The following ZSCAN2 variants were observed in gnomAD, a reference collection of about 807,000 sequenced individuals.
ZSCAN2 encodes the protein zinc finger and SCAN domain containing 2.
ZSCAN2 carries 26 observed loss-of-function variants against 47.8 expected under a neutral mutation model. That is an observed-to-expected ratio of 0.54 (90% CI 0.40 to 0.75). The LOEUF (loss-of-function observed/expected upper bound fraction) is 0.75. Ranked by LOEUF, ZSCAN2 falls within the 30% of genes least tolerant of loss-of-function variation. The pLI is 0.00. For synonymous variants in ZSCAN2, 305 were observed against 288.7 expected (o/e 1.06, Z -0.57); for missense variants, 732 against 785.4 (o/e 0.93, Z 0.81).
In ZSCAN2 at chr15:84,602,553, GCA is replaced by G. The variant is rs370190198; in HGVS notation, c.-108-1264_-108-1263del. Among the ~76,000 whole-genome samples the G allele has an allele frequency of 1.7e-4, 26 of 150,246 alleles. No homozygotes were observed. The East Asian group carries it at 4.7e-3, about 27-fold the overall frequency. The stretch of plus-strand genomic sequence containing the variant: ...CCACCTAAAGGTAGCCATTATTATA[GCA>G]CAGTTTCTTTTCTTTTTTTTCCTTT... On this transcript the variant is annotated intron_variant, in intron 1 of 2. Transcript: ENST00000546148.
intron 2 of ZSCAN2, among the ~76,000 whole-genome samples, chr15:84,617,808 T>C (rs1895729266): frequency 6.6e-6 from 1 of 151,986 alleles, no homozygotes; most frequent in South Asian, 2.1e-4. Context: ...TGTGGTGGCA[T>C]ACACCTGTGT....
chr15:84,621,332 A>G lies in ZSCAN2; in HGVS notation c.1137A>G (p.Arg379=), dbSNP rs751588983. 2 of 1,613,832 alleles carry G rather than the reference A, an allele frequency of 1.2e-6. No individual in the cohort carries two copies. The highest frequency in any genetic ancestry group is 1.7e-4 in the Middle Eastern group (1 of 6,060). The part of the protein sequence containing the change: ...ESFSYNSNLI[R]HQRIHTGEKP... ...TTAGTTACAACTCCAATCTAATCAG[A>G]CACCAGAGAATCCACACAGGAGAGA... The change falls in exon 3 of 3, where the codon AGA becomes AGG. Residue 379 remains arginine, a synonymous_variant. Coordinates refer to ENST00000546148, the MANE Select transcript of ZSCAN2 (RefSeq NM_181877.4). This position sits in a 1 kb window ranked among gnomAD's most constrained non-coding sequence, Gnocchi z 5.7.
chr15:84,622,533 T>C lies in ZSCAN2; in HGVS notation c.*493T>C. On this transcript the variant is annotated 3_prime_UTR_variant, in exon 3 of 3. Coordinates refer to ENST00000546148, the MANE Select transcript of ZSCAN2 (RefSeq NM_181877.4). ...TTCCAGGGCACCCCAAGCTGTCAGT[T>C]AGAATCTGCTCTTCTGGCTTTGGTG... The C allele has an allele frequency of 1.4e-6, 1 of 699,824 alleles. No individual in the cohort carries two copies. Among genetic ancestry groups the C allele is most frequent in the South Asian group, 1.5e-5 (1 of 64,692 alleles). The allele number at this position is 699,824 out of a possible 1,614,324, so 43.4% of individuals were successfully genotyped here. A position where few individuals can be genotyped will look rare whatever the true frequency, so the allele number is the denominator to read the frequency against.
chr15:84,603,197 GT>G (rs762291629), intron 1 of ZSCAN2, among the ~76,000 whole-genome samples: 67 of 152,230 alleles, frequency 4.4e-4, no homozygotes, highest in Non-Finnish European at 8.1e-4. Flanking sequence ...TGGTCACCGA[GT>G]TTGGTGACTA....
In ZSCAN2 at chr15:84,620,637, A is replaced by G; in HGVS notation, c.442A>G (p.Asn148Asp). 1 of 1,612,550 alleles carries G rather than the reference A, an allele frequency of 6.2e-7. No individual in the cohort carries two copies. The highest frequency in any genetic ancestry group is 8.5e-7 in the Non-Finnish European group (1 of 1,178,576). ...EIQSENGENC[N>D]QDMFENESRK... is the part of the protein sequence containing the mutation. ...ACAGAGTGAAAATGGGGAGAACTGT[A>G]ATCAAGACATGTTTGAGAATGAATC... Residue 148 changes from asparagine (N) to aspartate (D), a missense_variant, in exon 3 of 3, where the codon AAT becomes GAT. Physicochemically the swap from Asn to Asp is conservative, Grantham distance 23. Coordinates refer to ENST00000546148, the MANE Select transcript of ZSCAN2 (RefSeq NM_181877.4).
rs568365245 is a variant in ZSCAN2 at position 84,608,091 on chromosome 15, T to G, written c.406+3758T>G. ...TTGTCTTATTTCTTCTAGGAACCTG[T>G]AAAATCCTAGAAGACAAGGAACCTG... On this transcript the variant is annotated intron_variant, in intron 2 of 2. Transcript: ENST00000546148. 2.0e-5 allele frequency among the ~76,000 whole-genome samples: 3 copies of G among 152,330 alleles called. No homozygotes were observed. In the South Asian group the frequency reaches 6.2e-4, roughly 32 times the overall value.
At position 84,620,589 on chromosome 15, in the gene ZSCAN2, T is replaced by C. The variant is rs763852064; in HGVS notation, c.407-13T>C. 1.8e-5 allele frequency: 29 copies of C among 1,585,834 alleles called. No individual in the cohort carries two copies. Among genetic ancestry groups the C allele is most frequent in the Non-Finnish European group, 2.2e-5 (26 of 1,159,186 alleles). On this transcript the variant is annotated splice_polypyrimidine_tract_variant and intron_variant, in intron 2 of 2. Coordinates refer to ENST00000546148, the MANE Select transcript of ZSCAN2 (RefSeq NM_181877.4). ...GTTGAGTAGACATTGTATGTTTTTC[T>C]TCATTGTTTCAGATTTTGAGATACA...
At chr15:84,616,481 G>A in intron 2 of ZSCAN2, 1 of 1,429,994 alleles carries the variant, frequency 7.0e-7, no homozygotes, top group Non-Finnish European at 9.2e-7. Context: ...GGCTCTCCAT[G>A]CTTATTCATT....
At chr15:84,610,465 A>AGTCT (rs1895510679) in intron 2 of ZSCAN2, among the ~76,000 whole-genome samples, 1 of 143,716 alleles carries the variant, frequency 7.0e-6, no homozygotes, top group Admixed American at 7.3e-5. Context: ...TCAAAACAGA[A>AGTCT]GTCTTTCTTT....
intron 1 of ZSCAN2, 124 bp from the exon 2 acceptor site, chr15:84,603,696 A>T: frequency 2.2e-6 from 1 of 461,722 alleles, no homozygotes; most frequent in Non-Finnish European, 3.8e-6. Flanking sequence ...CTTTAAGAAG[A>T]ACAGGAAACG....
chr15:84,619,589 C>T (rs534667629), intron 2 of ZSCAN2, among the ~76,000 whole-genome samples: 10 of 152,224 alleles, frequency 6.6e-5, no homozygotes, highest in East Asian at 1.9e-4. Context: ...CAAAGTAATG[C>T]GGTCATAAAC....
intron 2 of ZSCAN2, among the ~76,000 whole-genome samples, chr15:84,619,287 G>A (rs1281217223): frequency 2.6e-5 from 4 of 152,064 alleles, no homozygotes; most frequent in South Asian, 2.1e-4. Context: ...AAAATTAGCC[G>A]GGTGTGGTGG....
chr15:84,615,196 C>T lies in ZSCAN2; in HGVS notation c.407-5406C>T, dbSNP rs139597066. 8.4e-3 allele frequency among the ~76,000 whole-genome samples: 1,276 copies of T among 152,268 alleles called. 9 individuals carry two copies. Among genetic ancestry groups the T allele is most frequent in the Non-Finnish European group, 9.7e-3 (658 of 68,004 alleles). On this transcript the variant is annotated intron_variant, in intron 2 of 2. Transcript: ENST00000546148. ...ATCGTGAACTGCTGACCTTGTGATC[C>T]GCCTGCCTCAGCCCCCCAAAGTCCT...
At position 84,621,388 on chromosome 15, in the gene ZSCAN2, G is replaced by C. The variant is rs1895812946; in HGVS notation, c.1193G>C (p.Arg398Thr). Reference protein sequence around the residue: ...KPYKCTDCGQRFSQSSALITH... With the variant: ...KPYKCTDCGQTFSQSSALITH... Reference sequence around the variant, plus strand: ...TACAAATGTACCGACTGTGGGCAGAGGTTCAGCCAGAGTTCAGCCCTCATC... The same window carrying C: ...TACAAATGTACCGACTGTGGGCAGACGTTCAGCCAGAGTTCAGCCCTCATC... The change falls in exon 3 of 3, where the codon AGG becomes ACG. Residue 398 changes from arginine to threonine, a missense_variant. This residue lies in a region of ZSCAN2 where 412 missense variants were observed against 498.0 expected (regional missense o/e 0.83). Transcript: ENST00000546148. The surrounding 1 kb of genome is among the most constrained non-coding windows in gnomAD (Gnocchi z 5.7). The C allele has an allele frequency of 6.2e-7, 1 of 1,613,942 alleles. No homozygotes were observed. The highest frequency in any genetic ancestry group is 1.3e-5 in the African/African-American group (1 of 74,996).
intron 2 of ZSCAN2, among the ~76,000 whole-genome samples, chr15:84,619,485 C>A (rs1345783410): frequency 6.6e-6 from 1 of 151,886 alleles, no homozygotes. Context: ...TTTGAGGGCT[C>A]TTTTAACAAT....
chr15:84,617,611 G>T (rs930217250), intron 2 of ZSCAN2, among the ~76,000 whole-genome samples: 1 of 152,022 alleles, frequency 6.6e-6, no homozygotes, highest in East Asian at 1.9e-4. Flanking sequence ...TGTAAGCATG[G>T]AGTTTAATTA....
chr15:84,613,463 G>T (rs1895609171), intron 2 of ZSCAN2, among the ~76,000 whole-genome samples: 1 of 151,994 alleles, frequency 6.6e-6, no homozygotes, highest in African/African-American at 2.4e-5. Flanking sequence ...TGGGATTACA[G>T]GCGCCCGCCA....
chr15:84,608,770 A>G (rs1895459205), intron 2 of ZSCAN2, among the ~76,000 whole-genome samples: 1 of 152,136 alleles, frequency 6.6e-6, no homozygotes, highest in South Asian at 2.1e-4. Context: ...AGGTAGTTCT[A>G]TTATGCTGCA....
At chr15:84,606,234 G>T (rs1895377023) in intron 2 of ZSCAN2, 2 of 370,156 alleles carry the variant, frequency 5.4e-6, no homozygotes, top group Non-Finnish European at 1.0e-5. Flanking sequence ...TGGAGAAAGG[G>T]ACTGACGCCG....
Sources: gnomAD v4.1 joint callset for allele counts (sites outside exome capture counted in the v4.1 genomes callset) on GRCh38, gnomAD v4.1.1 for gene constraint, gnomAD v4.1.1 regional missense constraint, Gnocchi (gnomAD v3.1) non-coding constraint, MANE v1.5 for transcripts, NCBI Gene and HGNC (gene_info 2026-07-23, HGNC 2026-07-21) for gene names.